Variants in POLA2 observed in about 807,000 individuals in gnomAD.
POLA2 encodes DNA polymerase alpha 2, accessory subunit.
In POLA2, 47 loss-of-function variants were observed where a neutral mutation model predicts 82.8. That is an observed-to-expected ratio of 0.57 (90% CI 0.45 to 0.72). POLA2 has a LOEUF of 0.72. Among genes scored for constraint, POLA2 ranks in the 30% least tolerant of loss-of-function variants. POLA2 has a pLI of 0.00. For missense variants in POLA2, 634 were observed against 728.1 expected, an observed-to-expected ratio of 0.87 and a Z score of 1.49; for synonymous variants, 287 against 286.8, an observed-to-expected ratio of 1.00 and a Z score of -0.01.
intron 4 of POLA2, among the ~76,000 whole-genome samples, chr11:65,270,994 C>T (rs1308808182): frequency 2.0e-5 from 3 of 152,160 alleles, no homozygotes; most frequent in South Asian, 2.1e-4. Flanking sequence ...CTGCTTCTGC[C>T]GTGCCAAATA....
At chr11:65,280,827 T>G in intron 7 of POLA2, 165 bp from the exon 8 acceptor site, 12 of 624,100 alleles carry the variant, frequency 1.9e-5, no homozygotes, top group East Asian at 5.8e-5. Flanking sequence ...TCTTCCATCC[T>G]GAGAGTCAGT....
rs1002337255 is a variant in POLA2, at chr11:65,285,004, C to G, written c.1006+2483C>G. ...TGATATTGCACATTTTATCAGAAAA[C>G]ACAAGTTTGGCCGGGCGTGGTGGCT... On this transcript the variant is annotated intron_variant, in intron 10 of 17. Coordinates refer to ENST00000265465, the MANE Select transcript of POLA2 (RefSeq NM_002689.4). Among the ~76,000 whole-genome samples, 3 of 152,172 alleles carry G rather than the reference C, an allele frequency of 2.0e-5. 1 individual carries two copies. In the South Asian group the frequency reaches 6.2e-4, roughly 32 times the overall value.
intron 15 of POLA2, 72 bp downstream of exon 15, chr11:65,294,724 A>G (rs778556674): frequency 1.4e-4 from 141 of 1,036,292 alleles, no homozygotes; most frequent in Non-Finnish European, 1.4e-4. Context: ...CAGCCAAGAA[A>G]ATCAAGGGGC....
At chr11:65,302,071 C>A (rs182854049), downstream of POLA2, among the ~76,000 whole-genome samples, 2 of 152,132 alleles carry the variant, frequency 1.3e-5, no homozygotes, top group Non-Finnish European at 2.9e-5. Context: ...GCAAAGGGGC[C>A]CCTGGGAGGT....
At chr11:65,282,621 G>T in intron 10 of POLA2, 100 bp downstream of exon 10, 1 of 997,142 alleles carries the variant, frequency 1.0e-6, no homozygotes, top group South Asian at 1.3e-5. Flanking sequence ...AGAAGCTGCT[G>T]AAGAGCAATG....
In POLA2 at chr11:65,295,906, C is replaced by T. The variant is rs1565494467; in HGVS notation, c.1563C>T (p.Asp521=). The T allele has an allele frequency of 6.2e-7, 1 of 1,614,102 alleles. No homozygotes were observed. The highest frequency in any genetic ancestry group is 1.3e-5 in the African/African-American group (1 of 75,062). The stretch of plus-strand genomic sequence containing the variant: ...CGCCCCAAGAAGACATGGCCATTGA[C>T]TATGAGTCGTTCTATGTTTACGCAC... The part of the protein sequence containing the change: ...LYPPQEDMAI[D]YESFYVYAQL... The change falls in exon 17 of 18, where the codon GAC becomes GAT. Residue 521 remains aspartate, a synonymous_variant. Transcript: ENST00000265465.
chr11:65,267,109 G>A lies in POLA2; in HGVS notation c.205-368G>A, dbSNP rs182176955. Among the ~76,000 whole-genome samples, 27 of 152,270 alleles carry A rather than the reference G, an allele frequency of 1.8e-4. No individual in the cohort carries two copies. In the East Asian group the frequency reaches 5.0e-3, roughly 28 times the overall value. On this transcript the variant is annotated intron_variant, in intron 2 of 17. Coordinates refer to ENST00000265465, the MANE Select transcript of POLA2 (RefSeq NM_002689.4). ...TAATCCCAGGTACTCGGAAAGCTGAGGAAGGAGAATCGCTTGAACCGAGGA... is the reference window on the plus strand; with the variant it reads ...TAATCCCAGGTACTCGGAAAGCTGAAGAAGGAGAATCGCTTGAACCGAGGA...
At position 65,281,161 on chromosome 11, in the gene POLA2, A is replaced by G. The variant is rs773000636; in HGVS notation, c.900+14A>G. 26 of 1,612,938 alleles carry G rather than the reference A, an allele frequency of 1.6e-5. No homozygotes were observed. Among genetic ancestry groups the G allele is most frequent in the Non-Finnish European group, 2.0e-5 (24 of 1,179,278 alleles). ...TTTCCTGGACAGGTGAGATTGGAGGAGTTCCACCAGAATGCAGGCGCACTC... is the reference window on the plus strand; with the variant it reads ...TTTCCTGGACAGGTGAGATTGGAGGGGTTCCACCAGAATGCAGGCGCACTC... On this transcript the variant is annotated intron_variant, in intron 8 of 17. Coordinates refer to ENST00000265465, the MANE Select transcript of POLA2 (RefSeq NM_002689.4).
At chr11:65,276,894 G>A (rs1354079988) in intron 5 of POLA2, among the ~76,000 whole-genome samples, 2 of 150,718 alleles carry the variant, frequency 1.3e-5, no homozygotes, top group African/African-American at 2.4e-5. Flanking sequence ...CGGTTCAAGC[G>A]ATTCTCCTGC....
At chr11:65,293,122 C>T (rs1180735477) in intron 13 of POLA2, among the ~76,000 whole-genome samples, 1 of 152,170 alleles carries the variant, frequency 6.6e-6, no homozygotes, top group African/African-American at 2.4e-5. Flanking sequence ...ATATTTCTTT[C>T]ATTTTTGCAT....
At chr11:65,300,811 A>G (rs879621908), downstream of POLA2, among the ~76,000 whole-genome samples, 11 of 152,164 alleles carry the variant, frequency 7.2e-5, no homozygotes, top group Non-Finnish European at 1.0e-4. Flanking sequence ...CGAACCACTG[A>G]CCTCAAGTGA....
chr11:65,295,800 G>T (rs573037580), intron 16 of POLA2, 64 bp from the exon 17 acceptor site: 3 of 1,573,422 alleles, frequency 1.9e-6, no homozygotes, highest in Non-Finnish European at 2.6e-6. Flanking sequence ...TACCTAGGGG[G>T]ACTCTGTCTG....
downstream of POLA2, among the ~76,000 whole-genome samples, chr11:65,298,940 A>G (rs1590914002): frequency 1.3e-5 from 2 of 152,138 alleles, no homozygotes; most frequent in African/African-American, 2.4e-5. Context: ...GGAGGGCCGG[A>G]GCAGGCATTT....
Position 65,280,789 on chromosome 11 carries a change from A to G in POLA2, c.745-203A>G, listed in dbSNP as rs1192804247. Reference sequence around the variant, plus strand: ...CTAGGAAGGCTCAAGTGCTGGGTGGATGGGTGGACAAGATGCCCTTTCAGA... The same window carrying G: ...CTAGGAAGGCTCAAGTGCTGGGTGGGTGGGTGGACAAGATGCCCTTTCAGA... On this transcript the variant is annotated intron_variant, in intron 7 of 17. Coordinates refer to ENST00000265465, the MANE Select transcript of POLA2 (RefSeq NM_002689.4). 7 of 560,646 alleles carry G rather than the reference A, an allele frequency of 1.2e-5. No homozygotes were observed. In the East Asian group the frequency reaches 1.9e-4, roughly 15 times the overall value. The allele number at this position is 560,646 out of a possible 1,614,324, so 34.7% of individuals were successfully genotyped here.
rs752047249 is a variant in POLA2, at chr11:65,281,106, G to T, written c.859G>T (p.Asp287Tyr). 69 of 1,614,030 alleles carry T rather than the reference G, an allele frequency of 4.3e-5. 2 individuals are homozygous for T. In the South Asian group the frequency reaches 7.5e-4, roughly 17 times the overall value. Residue 287 changes from aspartate (D) to tyrosine (Y), a missense_variant, in exon 8 of 18, where the codon GAT becomes TAT. Coordinates refer to ENST00000265465, the MANE Select transcript of POLA2 (RefSeq NM_002689.4). ...EHSSGAQIPV[D>Y]LSELKEYSLF... ...TTCCTCGGGTGCTCAAATTCCAGTG[G>T]ATTTATCTGAGCTTAAGGAATATTC...
At chr11:65,285,808 C>T (rs531324215) in intron 10 of POLA2, among the ~76,000 whole-genome samples, 9 of 152,204 alleles carry the variant, frequency 5.9e-5, no homozygotes, top group Non-Finnish European at 1.0e-4. Flanking sequence ...ACATGGCCCT[C>T]GCCCTCCAGA....
intron 13 of POLA2, among the ~76,000 whole-genome samples, chr11:65,293,952 G>T (rs1303720990): frequency 1.3e-5 from 2 of 152,170 alleles, no homozygotes; most frequent in Admixed American, 6.5e-5. Flanking sequence ...AGATGGATGG[G>T]TGTGAAGTAG....
chr11:65,292,059 C>T (rs540760118), intron 13 of POLA2, among the ~76,000 whole-genome samples: 2 of 152,118 alleles, frequency 1.3e-5, no homozygotes, highest in South Asian at 2.1e-4. Flanking sequence ...GCCAACACGG[C>T]GAAACCCCAT....
rs151070088 is a variant in POLA2 at position 65,294,638 on chromosome 11, C to G, written c.1446C>G (p.Ala482=). ...TSTDLLFHLG[A]EEISSSSGTS... is the part of the protein sequence containing the mutation. The stretch of plus-strand genomic sequence containing the variant: ...CAGATCTGCTTTTCCACCTGGGGGC[C>G]GAGGAGATCAGTAGGTAAGAAGTGT... The change falls in exon 15 of 18, where the codon GCC becomes GCG. Residue 482 remains alanine (A), a synonymous_variant. Transcript: ENST00000265465. 2.6e-4 allele frequency: 418 copies of G among 1,612,690 alleles called. 1 individual carries two copies. Among genetic ancestry groups the G allele is most frequent in the Admixed American group, 1.2e-3 (71 of 59,966 alleles).
Sources: allele counts gnomAD v4.1 joint callset (sites outside exome capture counted in the v4.1 genomes callset), GRCh38; gene constraint gnomAD v4.1.1; transcripts MANE v1.5; gene names NCBI Gene and HGNC (gene_info 2026-07-23, HGNC 2026-07-21).